Variants in BUD23 observed in about 807,000 individuals in gnomAD.
BUD23 encodes 18S rRNA (guanine-N(7))-methyltransferase.
Under a neutral mutation model 47.0 loss-of-function variants are expected in BUD23, and 34 were observed. The observed-to-expected ratio is 0.72, with a 90% CI of 0.55 to 0.96. BUD23 has a LOEUF of 0.96. Ranked by LOEUF, BUD23 falls within the 40% of genes least tolerant of loss-of-function variation. The pLI is 0.00. For synonymous variants in BUD23, 124 were observed against 132.0 expected (o/e 0.94, Z 0.41); for missense variants, 343 against 361.2 (o/e 0.95, Z 0.41).
chr7:73,686,938 T>G (rs782654655), intron 4 of BUD23, 38 bp downstream of exon 4: 1 of 1,614,008 alleles, frequency 6.2e-7, no homozygotes, highest in South Asian at 1.1e-5. Flanking sequence ...TGGATTACCC[T>G]GATGGGTGTG....
intron 6 of BUD23, among the ~76,000 whole-genome samples, chr7:73,691,834 G>A (rs1418232453): frequency 6.6e-6 from 1 of 151,992 alleles, no homozygotes; most frequent in African/African-American, 2.4e-5. Context: ...TAAACTCCTG[G>A]CTTCAAGCAA....
chr7:73,697,774 G>A, intron 11 of BUD23, 58 bp from the exon 12 acceptor site: 2 of 1,602,840 alleles, frequency 1.2e-6, no homozygotes, highest in South Asian at 1.1e-5. Flanking sequence ...TTATTTGAAG[G>A]GTCCAGGGCT....
chr7:73,689,647 G>A (rs1272573616), intron 5 of BUD23, among the ~76,000 whole-genome samples: 1 of 152,122 alleles, frequency 6.6e-6, no homozygotes, highest in South Asian at 2.1e-4. Context: ...CACAGATGCC[G>A]GTGGGAAAGG....
intron 9 of BUD23, 47 bp downstream of exon 9, chr7:73,693,716 A>G (rs782342346): frequency 1.5e-5 from 24 of 1,610,686 alleles, no homozygotes; most frequent in African/African-American, 2.7e-5. Context: ...TTTGACTTCC[A>G]GGCAGTGGGG....
Position 73,697,845 on chromosome 7 carries a change from G to GC in BUD23, c.805_806insC (p.Asp269AlafsTer34). The GC allele has an allele frequency of 6.2e-7, 1 of 1,613,954 alleles. No individual in the cohort carries two copies. Among genetic ancestry groups the GC allele is most frequent in the Non-Finnish European group, 8.5e-7 (1 of 1,179,982 alleles). ...TTTTCTGCACAGGGAAGTCAGACCT[G>GC]ACACCCAGTACACCGGCCGCAAGCG... On this transcript the variant is annotated frameshift_variant, in exon 12 of 12. Transcript: ENST00000265758. LOFTEE classifies it high-confidence loss of function.
At chr7:73,693,709 G>C (rs782230613) in intron 9 of BUD23, 40 bp downstream of exon 9, 150 of 1,612,768 alleles carry the variant, frequency 9.3e-5, no homozygotes, top group Non-Finnish European at 1.2e-4. Flanking sequence ...TGTGTCTTTT[G>C]ACTTCCAGGC....
chr7:73,690,857 A>G (rs929069550), intron 5 of BUD23, 59 bp from the exon 6 acceptor site: 164 of 1,339,606 alleles, frequency 1.2e-4, no homozygotes, highest in African/African-American at 4.3e-5. Flanking sequence ...AGAGGCTTGA[A>G]GTGGTTGGGG....
intron 10 of BUD23, chr7:73,695,311 G>A (rs1261982361): frequency 1.3e-5 from 2 of 150,268 alleles, no homozygotes; most frequent in African/African-American, 4.9e-5. Flanking sequence ...AGGCTGGAGT[G>A]CGGTGGCTTG....
chr7:73,684,424 C>G (rs1195858347), intron 2 of BUD23, among the ~76,000 whole-genome samples: 3 of 151,674 alleles, frequency 2.0e-5, no homozygotes, highest in East Asian at 2.0e-4. Flanking sequence ...CTCTGCCTCT[C>G]CAGTAGTTGG....
At chr7:73,693,241 C>A (rs1798259790) in intron 7 of BUD23, 88 bp from the exon 8 acceptor site, 2 of 1,225,444 alleles carry the variant, frequency 1.6e-6, no homozygotes, top group East Asian at 2.5e-5. Flanking sequence ...TGTCCTGGAG[C>A]AGACTGGCTT....
chr7:73,689,174 T>C (rs111737900), intron 5 of BUD23, among the ~76,000 whole-genome samples: 5,336 of 152,198 alleles, frequency 0.035, 92 homozygotes, highest in African/African-American at 0.04. Flanking sequence ...CTTAGCCTCC[T>C]GAGTAGCTGG....
intron 5 of BUD23, among the ~76,000 whole-genome samples, chr7:73,689,628 G>A (rs62463660): frequency 0.26 from 39,912 of 151,960 alleles, 6,374 homozygotes; most frequent in South Asian, 0.35. Flanking sequence ...AGGGAACAGT[G>A]GGCAGAGGCA....
At chr7:73,697,441 T>A in intron 10 of BUD23, 164 bp from the exon 11 acceptor site, 1 of 1,537,936 alleles carries the variant, frequency 6.5e-7, no homozygotes, top group Non-Finnish European at 8.7e-7. Context: ...AAGGAGGGTG[T>A]CCAGAGCGGG....
Position 73,693,608 on chromosome 7 carries a change from C to T in BUD23, c.597-16C>T, listed in dbSNP as rs1049227122. ...CTTTCTCCACCCAACCCTCACTTTG[C>T]ACTTTCTCCTTTCAGATTCTACCTC... is the stretch of plus-strand genomic sequence containing the variant. On this transcript the variant is annotated splice_polypyrimidine_tract_variant and intron_variant, in intron 8 of 11. Coordinates refer to ENST00000265758, the MANE Select transcript of BUD23 (RefSeq NM_017528.5). 30 of 1,614,072 alleles carry T rather than the reference C, an allele frequency of 1.9e-5. No individual in the cohort carries two copies. The Admixed American group carries it at 2.2e-4, about 12-fold the overall frequency.
At chr7:73,694,090 G>C (rs200463951) in intron 10 of BUD23, 40 bp downstream of exon 10, 9 of 1,587,020 alleles carry the variant, frequency 5.7e-6, no homozygotes, top group Non-Finnish European at 2.6e-6. Flanking sequence ...TGCAGCGGGG[G>C]CTGCCACATT....
At chr7:73,692,745 A>G (rs2116696396) in intron 7 of BUD23, 99 bp downstream of exon 7, 1 of 1,254,846 alleles carries the variant, frequency 8.0e-7, no homozygotes, top group Non-Finnish European at 1.1e-6. Context: ...ATTGGCGGGA[A>G]AAGGAGGAAA....
In BUD23 at chr7:73,683,692, G is replaced by T. The variant is rs1299938845; in HGVS notation, c.48+19G>T. ...AGAGCTGGTAAGTCCCGGGGCCCGC[G>T]GACACCCCTCTCCCCACTTCTGCGG... On this transcript the variant is annotated intron_variant, in intron 1 of 11. Coordinates refer to ENST00000265758, the MANE Select transcript of BUD23 (RefSeq NM_017528.5). The T allele has an allele frequency of 2.5e-6, 4 of 1,613,744 alleles. No individual in the cohort carries two copies. The highest frequency in any genetic ancestry group is 3.4e-6 in the Non-Finnish European group (4 of 1,180,002).
chr7:73,697,185 C>A, intron 10 of BUD23: 1 of 490,892 alleles, frequency 2.0e-6, no homozygotes, highest in Non-Finnish European at 3.7e-6. Flanking sequence ...CCCTCCTTTC[C>A]ATCCCTGTCT....
intron 5 of BUD23, among the ~76,000 whole-genome samples, chr7:73,688,573 A>G (rs74906810): frequency 7.2e-5 from 11 of 152,326 alleles, no homozygotes; most frequent in Admixed American, 1.3e-4. Context: ...GACTTGCTCT[A>G]ATCTCTTAAG....
Sources: gnomAD v4.1 joint callset for allele counts (sites outside exome capture counted in the v4.1 genomes callset) on GRCh38, gnomAD v4.1.1 for gene constraint, MANE v1.5 for transcripts, NCBI Gene and HGNC (gene_info 2026-07-23, HGNC 2026-07-21) for gene names.